The following SGCZ variants were observed in gnomAD, a reference collection of about 807,000 sequenced individuals.
The protein encoded by SGCZ is sarcoglycan zeta.
In SGCZ, 40 loss-of-function variants were observed where a neutral mutation model predicts 41.3. That is an observed-to-expected ratio of 0.97 (90% CI 0.75 to 1.26). The LOEUF is 1.26. Among genes scored for constraint, SGCZ ranks in the 50% most tolerant of loss-of-function variants. SGCZ has a pLI of 0.00. For synonymous variants in SGCZ, 206 were observed against 137.5 expected, an observed-to-expected ratio of 1.50 and a Z score of -3.49; for missense variants, 552 against 369.8, an observed-to-expected ratio of 1.49 and a Z score of -4.04.
At position 14,133,273 on chromosome 8, in the gene SGCZ, A is replaced by G. The variant is rs377110094; in HGVS notation, c.548-25038T>C. 1.2e-4 allele frequency among the ~76,000 whole-genome samples: 19 copies of G among 152,288 alleles called. No homozygotes were observed. The East Asian group carries it at 3.5e-3, about 28-fold the overall frequency. On this transcript the variant is annotated intron_variant, in intron 5 of 7. Coordinates refer to ENST00000382080, the MANE Select transcript of SGCZ (RefSeq NM_139167.4). ...CAATTTCCCAGAGAAATTCTCCACAATGTTTGCTCCTGATCCATTAATGCA... is the reference window on the plus strand; with the variant it reads ...CAATTTCCCAGAGAAATTCTCCACAGTGTTTGCTCCTGATCCATTAATGCA...
At chr8:14,786,549 T>A (rs1800772679) in intron 1 of SGCZ, among the ~76,000 whole-genome samples, 1 of 149,522 alleles carries the variant, frequency 6.7e-6, no homozygotes, top group African/African-American at 2.6e-5. Context: ...AACCAATTAT[T>A]TGAGTGCTGT....
At chr8:14,675,428 A>T (rs1309584623) in intron 1 of SGCZ, among the ~76,000 whole-genome samples, 1 of 152,188 alleles carries the variant, frequency 6.6e-6, no homozygotes, top group Non-Finnish European at 1.5e-5. Context: ...TATTAAATAC[A>T]GAGGAAAATA....
intron 1 of SGCZ, among the ~76,000 whole-genome samples, chr8:14,834,612 A>G (rs1303504689): frequency 6.6e-6 from 1 of 152,138 alleles, no homozygotes; most frequent in Non-Finnish European, 1.5e-5. Context: ...GAAACTGAAA[A>G]CTATTGGATG....
intron 1 of SGCZ, among the ~76,000 whole-genome samples, chr8:14,709,487 C>G (rs1003214464): frequency 3.9e-5 from 6 of 152,176 alleles, no homozygotes; most frequent in African/African-American, 1.4e-4. Flanking sequence ...GGAACTAAAA[C>G]CATCTCTTGG....
chr8:15,010,611 T>A (rs566187220), intron 1 of SGCZ, among the ~76,000 whole-genome samples: 2 of 152,238 alleles, frequency 1.3e-5, no homozygotes, highest in Non-Finnish European at 2.9e-5. Flanking sequence ...CACATGAGGG[T>A]TGACTGGAAT....
At chr8:15,219,389 T>C (rs1018561760) in intron 1 of SGCZ, among the ~76,000 whole-genome samples, 1 of 152,208 alleles carries the variant, frequency 6.6e-6, no homozygotes, top group East Asian at 1.9e-4. Flanking sequence ...CATGTTGATG[T>C]ATAAGATATA....
At position 15,131,658 on chromosome 8, in the gene SGCZ, G is replaced by A. The variant is rs188838178; in HGVS notation, c.39+105927C>T. 1.9e-3 allele frequency among the ~76,000 whole-genome samples: 287 copies of A among 152,216 alleles called. 2 individuals carry two copies. The highest frequency in any genetic ancestry group is 3.3e-3 in the Admixed American group (51 of 15,286). ...GTGAGTCAGCTAAGTATGTTAGCGC[G>A]GCATCTTCTCAAGGAAAAGTTTTTT... On this transcript the variant is annotated intron_variant, in intron 1 of 7. Transcript: ENST00000382080.
At chr8:14,906,950 T>C (rs1034668303) in intron 1 of SGCZ, among the ~76,000 whole-genome samples, 2 of 152,200 alleles carry the variant, frequency 1.3e-5, no homozygotes, top group Admixed American at 6.5e-5. Flanking sequence ...AAAAAGGTGA[T>C]ATTTCTGCCA....
chr8:14,517,334 T>C (rs12678070), intron 2 of SGCZ, among the ~76,000 whole-genome samples: 14,668 of 152,108 alleles, frequency 0.096, 1,500 homozygotes, highest in African/African-American at 0.25. Context: ...CTACATGATC[T>C]CTTTCATTTT....
chr8:14,678,232 G>C (rs1808336330), intron 1 of SGCZ, among the ~76,000 whole-genome samples: 1 of 152,122 alleles, frequency 6.6e-6, no homozygotes, highest in African/African-American at 2.4e-5. Flanking sequence ...CTTATTGAAA[G>C]ACACTGTCAA....
chr8:15,098,603 C>T (rs1479780382), intron 1 of SGCZ, among the ~76,000 whole-genome samples: 1 of 152,130 alleles, frequency 6.6e-6, no homozygotes, highest in African/African-American at 2.4e-5. Context: ...TTTATAAATG[C>T]TTTACTTGTT....
chr8:14,165,876 A>ACTT (rs1185389314), intron 4 of SGCZ, among the ~76,000 whole-genome samples: 2 of 152,166 alleles, frequency 1.3e-5, no homozygotes, highest in Non-Finnish European at 2.9e-5. Context: ...ATGAATGAAT[A>ACTT]CTTAAGCTTT....
chr8:14,975,789 TTA>T (rs371834276), intron 1 of SGCZ, among the ~76,000 whole-genome samples: 8,441 of 125,332 alleles, frequency 0.067, 619 homozygotes, highest in African/African-American at 0.17. Flanking sequence ...TTTTCCACTT[TTA>T]TATATATATA....
At chr8:14,885,183 T>C (rs1804741625) in intron 1 of SGCZ, among the ~76,000 whole-genome samples, 1 of 152,186 alleles carries the variant, frequency 6.6e-6, no homozygotes, top group South Asian at 2.1e-4. Context: ...ATTTAATATG[T>C]CCATGTGCCT....
chr8:14,390,442 A>G (rs2117215745), intron 2 of SGCZ, among the ~76,000 whole-genome samples: 1 of 152,076 alleles, frequency 6.6e-6, no homozygotes, highest in South Asian at 2.1e-4. Context: ...TAGTAATTTA[A>G]AAATTAAATT....
intron 1 of SGCZ, among the ~76,000 whole-genome samples, chr8:14,700,647 C>T (rs1484277105): frequency 6.6e-6 from 1 of 151,870 alleles, no homozygotes; most frequent in Non-Finnish European, 1.5e-5. Flanking sequence ...TAATTTAATA[C>T]TATATTCATA....
At chr8:14,544,031 A>G (rs1803549745) in intron 2 of SGCZ, among the ~76,000 whole-genome samples, 1 of 152,120 alleles carries the variant, frequency 6.6e-6, no homozygotes, top group African/African-American at 2.4e-5. Flanking sequence ...AGCACAGAGT[A>G]ATTATTTGTA....
chr8:14,215,563 G>C (rs1385293832), intron 4 of SGCZ, among the ~76,000 whole-genome samples: 1 of 151,374 alleles, frequency 6.6e-6, no homozygotes, highest in Non-Finnish European at 1.5e-5. Context: ...AAATACAAAA[G>C]CTAATTGTTT....
intron 1 of SGCZ, among the ~76,000 whole-genome samples, chr8:14,833,702 C>A (rs1192587072): frequency 6.6e-6 from 1 of 152,012 alleles, no homozygotes; most frequent in Admixed American, 6.6e-5. Flanking sequence ...TATTTTTCTG[C>A]TATAGGAAGA....
Sources: allele counts gnomAD v4.1 joint callset (sites outside exome capture counted in the v4.1 genomes callset), GRCh38; gene constraint gnomAD v4.1.1; transcripts MANE v1.5; gene names NCBI Gene and HGNC (gene_info 2026-07-23, HGNC 2026-07-21).